Variants in FAAH2 observed in about 807,000 individuals in gnomAD.
The protein encoded by FAAH2 is fatty acid amide hydrolase 2.
A neutral mutation model predicts 36.9 loss-of-function variants in FAAH2; 60 were observed. The ratio of observed to expected loss-of-function variants is 1.63; its 90% confidence interval spans 1.32 to 2.02. FAAH2 has a LOEUF of 2.02. Ranked by LOEUF, FAAH2 falls within the 30% of genes most tolerant of loss-of-function variation. The pLI is 0.00. For missense variants in FAAH2, 689 were observed against 397.5 expected, an observed-to-expected ratio of 1.73 and a Z score of -6.23; for synonymous variants, 214 against 143.8, an observed-to-expected ratio of 1.49 and a Z score of -3.49.
the FAAH2 span, among the ~76,000 whole-genome samples, chrX:57,200,442 G>A: frequency 5.8e-5 from 6 of 104,299 alleles, no homozygotes; most frequent in East Asian, 3.0e-4. Flanking sequence ...GCAATGGCAC[G>A]ATCCTGGCCC....
At chrX:57,326,331 G>A (rs1602283124) in intron 3 of FAAH2, among the ~76,000 whole-genome samples, 1 of 113,856 alleles carries the variant, frequency 8.8e-6, no homozygotes, top group East Asian at 2.7e-4. Flanking sequence ...TTGGGGTGGA[G>A]AGTTCTGTAG....
the FAAH2 span, among the ~76,000 whole-genome samples, chrX:57,217,583 G>A: frequency 8.9e-6 from 1 of 111,797 alleles, no homozygotes; most frequent in South Asian, 3.7e-4. Context: ...TCGAACATCA[G>A]TTGGCTGTAA....
chrX:57,159,631 G>T, the FAAH2 span, among the ~76,000 whole-genome samples: 1 of 110,891 alleles, frequency 9.0e-6, no homozygotes, highest in African/African-American at 3.3e-5. Flanking sequence ...TCATGATTTG[G>T]CTCTGTTTGT....
intron 10 of FAAH2, among the ~76,000 whole-genome samples, chrX:57,478,486 G>A (rs1018438423): frequency 1.8e-5 from 2 of 111,696 alleles, no homozygotes; most frequent in African/African-American, 6.5e-5. Context: ...AAGCTCTTTA[G>A]TTTAATTAGA....
At chrX:57,423,949 A>G (rs1250890162) in intron 7 of FAAH2, among the ~76,000 whole-genome samples, 4 of 111,740 alleles carry the variant, frequency 3.6e-5, no homozygotes, top group Non-Finnish European at 7.5e-5. Flanking sequence ...GAACAGGAGG[A>G]CAAACTGCAT....
At chrX:57,226,554 T>A in the FAAH2 span, among the ~76,000 whole-genome samples, 5 of 112,023 alleles carry the variant, frequency 4.5e-5, no homozygotes, top group African/African-American at 1.6e-4. Flanking sequence ...ATAGGTTTCC[T>A]GGTGCTTCTG....
At chrX:57,426,301 C>G (rs2056161274) in intron 7 of FAAH2, among the ~76,000 whole-genome samples, 1 of 111,767 alleles carries the variant, frequency 8.9e-6, no homozygotes. Context: ...TATAGCAATA[C>G]AATAATAGCT....
chrX:57,175,092 G>C, the FAAH2 span, among the ~76,000 whole-genome samples: 2 of 111,610 alleles, frequency 1.8e-5, no homozygotes, highest in Non-Finnish European at 3.8e-5. Flanking sequence ...AGGTCCACTT[G>C]TTCTAGAGTG....
the FAAH2 span, among the ~76,000 whole-genome samples, chrX:57,179,464 G>T: frequency 9.0e-6 from 1 of 111,668 alleles, no homozygotes; most frequent in African/African-American, 3.3e-5. Flanking sequence ...AAAAGCAGGG[G>T]TTGCAATCCT....
At chrX:57,433,934 C>G (rs181435142) in intron 8 of FAAH2, among the ~76,000 whole-genome samples, 104 of 111,418 alleles carry the variant, frequency 9.3e-4, no homozygotes, top group African/African-American at 3.3e-3. Context: ...CGTATAGATG[C>G]AGAAAGCCTG....
At chrX:57,345,449 G>T (rs2053797234) in intron 5 of FAAH2, among the ~76,000 whole-genome samples, 1 of 110,718 alleles carries the variant, frequency 9.0e-6, no homozygotes, top group South Asian at 3.8e-4. Context: ...AACCACTGAG[G>T]ATCTTTTGTA....
At position 57,331,793 on chromosome X, in the gene FAAH2, T is replaced by C. The variant is rs775378655; in HGVS notation, c.608T>C (p.Val203Ala). The C allele has an allele frequency of 8.3e-7, 1 of 1,210,797 alleles. No individual in the cohort carries two copies. The highest frequency in any genetic ancestry group is 1.8e-5 in the South Asian group (1 of 56,898). ...SNNPYDLQHI[V>A]GGSSGGEGCT... ...AACCCATATGATTTACAGCATATTG[T>C]AGGTGGAAGTTCTGGTGAGTTGGAC... is the stretch of plus-strand genomic sequence containing the variant. The change falls in exon 4 of 11, where the codon GTA becomes GCA. Residue 203 changes from valine (V) to alanine (A), a missense_variant. Physicochemically the swap from Val to Ala is moderately conservative, Grantham distance 64 (BLOSUM62 0). Coordinates refer to ENST00000374900, the MANE Select transcript of FAAH2 (RefSeq NM_174912.4).
chrX:57,272,493 G>T, the FAAH2 span, among the ~76,000 whole-genome samples: 1 of 111,769 alleles, frequency 8.9e-6, no homozygotes, highest in Non-Finnish European at 1.9e-5. Flanking sequence ...AAAATGTTAA[G>T]GGCAGCCAGA....
At chrX:57,470,204 G>A (rs967178339) in intron 10 of FAAH2, among the ~76,000 whole-genome samples, 1 of 110,664 alleles carries the variant, frequency 9.0e-6, no homozygotes, top group Admixed American at 9.7e-5. Context: ...AGGAGCAAGA[G>A]CGAACACATT....
the FAAH2 span, among the ~76,000 whole-genome samples, chrX:57,211,352 C>T: frequency 9.0e-6 from 1 of 111,333 alleles, no homozygotes; most frequent in African/African-American, 3.3e-5. Context: ...GACCTGAGAA[C>T]TGCCTTCCAA....
chrX:57,375,596 T>C (rs1049200098), intron 5 of FAAH2, among the ~76,000 whole-genome samples: 4 of 110,865 alleles, frequency 3.6e-5, no homozygotes, highest in Non-Finnish European at 7.6e-5. Context: ...CTAATTGAGC[T>C]TCTTTTCTCT....
chrX:57,377,381 A>G (rs776676295), intron 5 of FAAH2, among the ~76,000 whole-genome samples: 7 of 112,385 alleles, frequency 6.2e-5, no homozygotes, highest in African/African-American at 2.3e-4. Context: ...CAGTTTTCCC[A>G]GCACCATTTA....
At chrX:57,392,856 A>C (rs1030525928) in intron 7 of FAAH2, 2 of 734,193 alleles carry the variant, frequency 2.7e-6, no homozygotes, top group Non-Finnish European at 4.3e-6. Context: ...TGTTTTGGCC[A>C]TGCAGATGGG....
At chrX:57,259,671 A>T in the FAAH2 span, among the ~76,000 whole-genome samples, 6 of 112,112 alleles carry the variant, frequency 5.4e-5, no homozygotes, top group Non-Finnish European at 1.1e-4. Context: ...TAACAGAGTA[A>T]ATCTTAAGTT....
Sources: allele counts gnomAD v4.1 joint callset (sites outside exome capture counted in the v4.1 genomes callset), GRCh38; gene constraint gnomAD v4.1.1; transcripts MANE v1.5; gene names NCBI Gene and HGNC (gene_info 2026-07-23, HGNC 2026-07-21).